The following TRIM35 variants were observed in gnomAD, a reference collection of about 807,000 sequenced individuals.
TRIM35 encodes tripartite motif containing 35, also known as E3 ubiquitin-protein ligase TRIM35.
A neutral mutation model predicts 49.1 loss-of-function variants in TRIM35; 37 were observed. That is an observed-to-expected ratio of 0.75 (90% CI 0.58 to 0.99). TRIM35 has a LOEUF of 0.99. Among genes scored for constraint, TRIM35 ranks in the 50% least tolerant of loss-of-function variants. TRIM35 has a pLI of 0.00. For synonymous variants in TRIM35, 302 were observed against 289.3 expected (o/e 1.04, Z -0.45); for missense variants, 648 against 702.7 (o/e 0.92, Z 0.88).
chr8:27,288,677 C>T (rs1194741318), intron 5 of TRIM35, among the ~76,000 whole-genome samples: 1 of 152,162 alleles, frequency 6.6e-6, no homozygotes, highest in Admixed American at 6.5e-5. Flanking sequence ...TGTGGTCCTT[C>T]GTTATGGCAG....
At chr8:27,293,310 T>G (rs566795416) in intron 3 of TRIM35, among the ~76,000 whole-genome samples, 1 of 152,022 alleles carries the variant, frequency 6.6e-6, no homozygotes, top group Non-Finnish European at 1.5e-5. Context: ...TGTAGGAAAT[T>G]TGTAAGGACC....
At chr8:27,288,603 A>G (rs772913680) in intron 5 of TRIM35, among the ~76,000 whole-genome samples, 8 of 152,132 alleles carry the variant, frequency 5.3e-5, no homozygotes, top group Non-Finnish European at 8.8e-5. Context: ...TCCTTCCAAC[A>G]TCTGGATTTT....
intron 1 of TRIM35, among the ~76,000 whole-genome samples, chr8:27,305,157 A>T (rs1479682803): frequency 2.6e-5 from 4 of 152,286 alleles, no homozygotes; most frequent in African/African-American, 9.6e-5. Flanking sequence ...TGGCAGGCAC[A>T]TGCTGTGCAT....
At position 27,287,318 on chromosome 8, in the gene TRIM35, G is replaced by A. The variant is rs554026480; in HGVS notation, c.*232C>T. The A allele has an allele frequency of 3.1e-5, 16 of 516,384 alleles. No homozygotes were observed. Among genetic ancestry groups the A allele is most frequent in the Middle Eastern group, 4.9e-4 (1 of 2,036 alleles). The allele number at this position is 516,384 out of a possible 1,614,324, so 32.0% of individuals were successfully genotyped here. A position where few individuals can be genotyped will look rare whatever the true frequency, so the allele number is the denominator to read the frequency against. ...TCACATTGTGGAGGTGCCACGACTC[G>A]GGAGAGCCTGGCCAGCGAGGTGCCA... On this transcript the variant is annotated 3_prime_UTR_variant, in exon 6 of 6. Transcript: ENST00000305364. This position sits in a 1 kb window ranked among gnomAD's most constrained non-coding sequence, Gnocchi z 6.0.
chr8:27,298,185 A>G (rs1329746607), intron 2 of TRIM35, among the ~76,000 whole-genome samples: 3 of 152,222 alleles, frequency 2.0e-5, no homozygotes, highest in African/African-American at 7.2e-5. Context: ...CACAGGTGGC[A>G]GTGATATGAT....
At chr8:27,307,558 A>G (rs968227826) in intron 1 of TRIM35, among the ~76,000 whole-genome samples, 4 of 152,188 alleles carry the variant, frequency 2.6e-5, no homozygotes, top group Non-Finnish European at 5.9e-5. Flanking sequence ...AAGGTCTAGG[A>G]CTGTCCGGTC....
At chr8:27,300,801 GTTTTA>G (rs1371494570) in intron 1 of TRIM35, among the ~76,000 whole-genome samples, 3 of 152,136 alleles carry the variant, frequency 2.0e-5, no homozygotes, top group South Asian at 2.1e-4. Flanking sequence ...TCATTCCAAT[GTTTTA>G]TTTTATAGAA....
At chr8:27,298,678 C>A in intron 1 of TRIM35, 119 bp from the exon 2 acceptor site, 2 of 810,762 alleles carry the variant, frequency 2.5e-6, no homozygotes, top group Non-Finnish European at 2.1e-6. Flanking sequence ...AACTCAACTG[C>A]ATTTGCCTAA....
rs111268323 is a variant in TRIM35 at position 27,309,725 on chromosome 8, G to A, written c.435+1076C>T. On this transcript the variant is annotated intron_variant, in intron 1 of 5. Coordinates refer to ENST00000305364, the MANE Select transcript of TRIM35 (RefSeq NM_171982.5). ...AGGCCAGGCGGAGTGGCTCACGCCTGTAATCCCAGTAGTTTGGGAGGCAGA... is the reference window on the plus strand; with the variant it reads ...AGGCCAGGCGGAGTGGCTCACGCCTATAATCCCAGTAGTTTGGGAGGCAGA... Among the ~76,000 whole-genome samples, 12 of 152,164 alleles carry A rather than the reference G, an allele frequency of 7.9e-5. No homozygotes were observed. In the East Asian group the frequency reaches 2.3e-3, roughly 29 times the overall value.
At chr8:27,293,102 A>T (rs1449395886) in intron 3 of TRIM35, among the ~76,000 whole-genome samples, 1 of 151,784 alleles carries the variant, frequency 6.6e-6, no homozygotes, top group Non-Finnish European at 1.5e-5. Flanking sequence ...TCATGGTTCC[A>T]GGCTTTGAGT....
intron 2 of TRIM35, among the ~76,000 whole-genome samples, chr8:27,297,220 T>G (rs1802587659): frequency 6.6e-6 from 1 of 152,170 alleles, no homozygotes; most frequent in Non-Finnish European, 1.5e-5. Context: ...GGACACATGG[T>G]GGAGGGGACC....
At chr8:27,302,116 G>C (rs1802692954) in intron 1 of TRIM35, among the ~76,000 whole-genome samples, 2 of 152,236 alleles carry the variant, frequency 1.3e-5, no homozygotes, top group Admixed American at 6.5e-5. Flanking sequence ...AGAATGTCTT[G>C]GCAATTTTTG....
At chr8:27,300,842 A>C (rs1015329919) in intron 1 of TRIM35, among the ~76,000 whole-genome samples, 3 of 152,226 alleles carry the variant, frequency 2.0e-5, no homozygotes, top group Non-Finnish European at 4.4e-5. Flanking sequence ...AAAATCATGT[A>C]ATACAGTTCA....
rs747100993 is a variant in TRIM35 at position 27,287,891 on chromosome 8, C to A, written c.1141G>T (p.Ala381Ser). ...GVVRVRQDSG[A>S]EGHSHSCYHD... Reference sequence around the variant, plus strand: ...TAGCAGCTGTGTGAGTGGCCCTCAGCGCCCGAGTCCTGGCGCACACGTACC... The same window carrying A: ...TAGCAGCTGTGTGAGTGGCCCTCAGAGCCCGAGTCCTGGCGCACACGTACC... Residue 381 changes from alanine (A) to serine (S), a missense_variant, in exon 6 of 6, where the codon GCT (alanine) becomes TCT (serine). Transcript: ENST00000305364. The surrounding 1 kb of genome is among the most constrained non-coding windows in gnomAD (Gnocchi z 6.0). The A allele has an allele frequency of 3.7e-6, 6 of 1,613,114 alleles. No homozygotes were observed. Among genetic ancestry groups the A allele is most frequent in the Admixed American group, 3.3e-5 (2 of 60,006 alleles).
intron 1 of TRIM35, chr8:27,304,817 A>G: frequency 2.2e-6 from 1 of 456,756 alleles, no homozygotes; most frequent in Non-Finnish European, 4.4e-6. Context: ...CTTTGTCACT[A>G]TCCACTGGTG....
At chr8:27,307,203 C>A (rs1396536530) in intron 1 of TRIM35, among the ~76,000 whole-genome samples, 1 of 152,106 alleles carries the variant, frequency 6.6e-6, no homozygotes, top group Admixed American at 6.5e-5. Context: ...CCATCATGCG[C>A]CACTGCACCT....
At chr8:27,293,485 CT>C (rs1802497114) in intron 3 of TRIM35, among the ~76,000 whole-genome samples, 1 of 151,666 alleles carries the variant, frequency 6.6e-6, no homozygotes, top group Admixed American at 6.6e-5. Context: ...AAGAATTCAT[CT>C]TATTAAAAGG....
intron 1 of TRIM35, among the ~76,000 whole-genome samples, chr8:27,306,566 T>G (rs1802790241): frequency 6.6e-6 from 1 of 152,010 alleles, no homozygotes. Flanking sequence ...CCTCGTGATC[T>G]GCCTGCCTCG....
At chr8:27,310,660 C>T in intron 1 of TRIM35, 141 bp downstream of exon 1, 2 of 955,982 alleles carry the variant, frequency 2.1e-6, no homozygotes, top group Non-Finnish European at 3.1e-6. Context: ...GAACCTGGGT[C>T]GGAGAGGTGG....
Sources: gnomAD v4.1 joint callset for allele counts (sites outside exome capture counted in the v4.1 genomes callset) on GRCh38, gnomAD v4.1.1 for gene constraint, Gnocchi (gnomAD v3.1) non-coding constraint, MANE v1.5 for transcripts, NCBI Gene and HGNC (gene_info 2026-07-23, HGNC 2026-07-21) for gene names.